EMP1: variants seen among roughly 807,000 people sequenced by gnomAD.
EMP1 encodes tumor-associated membrane protein.
A neutral mutation model predicts 15.7 loss-of-function variants in EMP1; 5 were observed. The ratio of observed to expected loss-of-function variants is 0.32; its 90% CI spans 0.17 to 0.67. The LOEUF is 0.67. Among genes scored for constraint, EMP1 ranks in the 30% least tolerant of loss-of-function variants. The pLI is 0.74. For missense variants in EMP1, 166 were observed against 194.2 expected (o/e 0.85, Z 0.86); for synonymous variants, 78 against 76.7 (o/e 1.02, Z -0.09).
chr12:13,210,839 T>G (rs1477309225), intron 1 of EMP1, among the ~76,000 whole-genome samples: 6 of 152,250 alleles, frequency 3.9e-5, no homozygotes. Flanking sequence ...ACCAGACCAT[T>G]AAACTGTAAT....
chr12:13,205,394 A>C (rs7295467), intron 1 of EMP1, among the ~76,000 whole-genome samples: 1,646 of 152,348 alleles, frequency 0.011, 36 homozygotes, highest in African/African-American at 0.036. Flanking sequence ...ATATAGAAAT[A>C]TATAACAAAG....
chr12:13,203,310 C>A (rs150585782), intron 1 of EMP1, among the ~76,000 whole-genome samples: 3 of 152,242 alleles, frequency 2.0e-5, no homozygotes, highest in Non-Finnish European at 4.4e-5. Flanking sequence ...AGGCAACTCA[C>A]GCTTCCGTCC....
At position 13,211,806 on chromosome 12, in the gene EMP1, G is replaced by C. The variant is rs1189147734; in HGVS notation, c.78+218G>C. ...AGTAATCCTGCCAGAGCTGTAGGTG[G>C]TTAAGGGCTGGAGGATCTAGTGCAG... On this transcript the variant is annotated intron_variant, in intron 2 of 4. Coordinates refer to ENST00000256951, the MANE Select transcript of EMP1 (RefSeq NM_001423.3). The surrounding 1 kb of genome is among the most constrained non-coding windows in gnomAD (Gnocchi z 4.7). 1.8e-6 allele frequency: 1 copy of C among 570,436 alleles called. No homozygotes were observed. Among genetic ancestry groups the C allele is most frequent in the Non-Finnish European group, 3.1e-6 (1 of 324,680 alleles). The allele number at this position is 570,436 out of a possible 1,614,324, so 35.3% of individuals were successfully genotyped here.
chr12:13,207,749 CA>C (rs1257004374), intron 1 of EMP1, among the ~76,000 whole-genome samples: 1 of 152,202 alleles, frequency 6.6e-6, no homozygotes, highest in Non-Finnish European at 1.5e-5. Flanking sequence ...AGAAGGAGAT[CA>C]TCCTCCACTC....
In EMP1 at chr12:13,203,863, C is replaced by A. The variant is rs532351034; in HGVS notation, c.-43+6991C>A. 1.4e-4 allele frequency among the ~76,000 whole-genome samples: 22 copies of A among 152,328 alleles called. No homozygotes were observed. In the South Asian group the frequency reaches 4.6e-3, roughly 32 times the overall value. On this transcript the variant is annotated intron_variant, in intron 1 of 4. Transcript: ENST00000256951. The stretch of plus-strand genomic sequence containing the variant: ...TCAGGGGCAGATTTATTATAAGAAT[C>A]TGGTTCTCCAATAGGTTCTCTCTCT...
chr12:13,197,839 G>A (rs1864028288), intron 1 of EMP1, among the ~76,000 whole-genome samples: 1 of 152,066 alleles, frequency 6.6e-6, no homozygotes, highest in Admixed American at 6.6e-5. Context: ...AGAAAGAGAG[G>A]GAGGCAAATG....
At chr12:13,203,092 A>AG (rs1255249114) in intron 1 of EMP1, among the ~76,000 whole-genome samples, 1 of 152,144 alleles carries the variant, frequency 6.6e-6, no homozygotes, top group Non-Finnish European at 1.5e-5. Context: ...TCTCTAGGCG[A>AG]GGGGCCTCCC....
chr12:13,206,007 G>A (rs933237309), intron 1 of EMP1, among the ~76,000 whole-genome samples: 8 of 152,160 alleles, frequency 5.3e-5, no homozygotes, highest in African/African-American at 1.9e-4. Flanking sequence ...CCAGTAGCAG[G>A]GTAGAAGATA....
At chr12:13,212,862 C>T (rs1864178487) in intron 2 of EMP1, among the ~76,000 whole-genome samples, 1 of 152,194 alleles carries the variant, frequency 6.6e-6, no homozygotes. Context: ...TGGGGGAATC[C>T]ATTCAGGTCA....
rs76846337 is a variant in EMP1, at chr12:13,207,350, T to C, written c.-42-4119T>C. Among the ~76,000 whole-genome samples the C allele has an allele frequency of 5.0e-3, 765 of 152,280 alleles. 4 individuals are homozygous for C. The highest frequency in any genetic ancestry group is 0.017 in the African/African-American group (699 of 41,550). ...ATGATCTCGAACTCCCTCAGGGTTA[T>C]TTCTACTGACTATATTAGCTATTCT... On this transcript the variant is annotated intron_variant, in intron 1 of 4. Transcript: ENST00000256951.
chr12:13,198,565 T>C (rs1383791237), intron 1 of EMP1, among the ~76,000 whole-genome samples: 1 of 152,228 alleles, frequency 6.6e-6, no homozygotes, highest in East Asian at 1.9e-4. Flanking sequence ...GCTTCACATG[T>C]TTATTATTTC....
chr12:13,202,002 G>C (rs751614640), intron 1 of EMP1, among the ~76,000 whole-genome samples: 1 of 152,074 alleles, frequency 6.6e-6, no homozygotes. Context: ...GAGGGAGGGA[G>C]GGAGGGCAAG....
rs1433860445 is a variant in EMP1 at position 13,216,031 on chromosome 12, G to A, written c.*1340G>A. The A allele has an allele frequency of 5.5e-6, 1 of 180,328 alleles. No homozygotes were observed. The highest frequency in any genetic ancestry group is 1.2e-5 in the Non-Finnish European group (1 of 85,966). 11.2% of individuals were successfully genotyped at this position (180,328 alleles called of 1,614,324 possible). On this transcript the variant is annotated 3_prime_UTR_variant, in exon 5 of 5. Coordinates refer to ENST00000256951, the MANE Select transcript of EMP1 (RefSeq NM_001423.3). Reference sequence around the variant, plus strand: ...AACTCTTGTGGTACCTAGTCAGATGGTAGACGAGCTGTCTGCTGCCGCAGG... The same window carrying A: ...AACTCTTGTGGTACCTAGTCAGATGATAGACGAGCTGTCTGCTGCCGCAGG...
At chr12:13,202,559 G>A (rs1864075368) in intron 1 of EMP1, among the ~76,000 whole-genome samples, 1 of 152,180 alleles carries the variant, frequency 6.6e-6, no homozygotes, top group Admixed American at 6.5e-5. Context: ...GAGACCTGGA[G>A]CTTCCCTTTA....
In EMP1 at chr12:13,213,754, G is replaced by A. The variant is rs1289390029; in HGVS notation, c.249G>A (p.Val83=). ...GTGTCATTGCCCTCCTGGTCTTCGT[G>A]TTCCAGCTCTTCACCATGGAGAAGG... ...IFCVIALLVF[V]FQLFTMEKGN... is the part of the protein sequence containing the mutation. The change falls in exon 4 of 5, where the codon GTG becomes GTA. Residue 83 remains valine (V), a synonymous_variant. Transcript: ENST00000256951. 1 of 1,614,166 alleles carries A rather than the reference G, an allele frequency of 6.2e-7. No homozygotes were observed. Among genetic ancestry groups the A allele is most frequent in the Non-Finnish European group, 8.5e-7 (1 of 1,180,042 alleles).
chr12:13,202,094 T>C (rs1185377074), intron 1 of EMP1, among the ~76,000 whole-genome samples: 1 of 151,744 alleles, frequency 6.6e-6, no homozygotes, highest in Non-Finnish European at 1.5e-5. Context: ...GCTAAGTGGA[T>C]AGAGAAAGAC....
chr12:13,197,803 A>T (rs1023774807), intron 1 of EMP1, among the ~76,000 whole-genome samples: 1 of 152,322 alleles, frequency 6.6e-6, no homozygotes, highest in Admixed American at 6.5e-5. Flanking sequence ...AAAGAAAAAA[A>T]ATGAAAAAAG....
intron 1 of EMP1, among the ~76,000 whole-genome samples, chr12:13,206,693 G>A (rs954773645): frequency 2.0e-5 from 3 of 152,326 alleles, no homozygotes; most frequent in Non-Finnish European, 2.9e-5. Context: ...TGACTCCTAG[G>A]TTAGCAATCA....
intron 1 of EMP1, among the ~76,000 whole-genome samples, chr12:13,199,772 CA>C (rs1432089912): frequency 6.6e-6 from 1 of 152,144 alleles, no homozygotes; most frequent in Admixed American, 6.5e-5. Context: ...TTCCTTAAAT[CA>C]AGCAAAATCA....
Sources: allele counts gnomAD v4.1 joint callset (sites outside exome capture counted in the v4.1 genomes callset), GRCh38; gene constraint gnomAD v4.1.1; non-coding constraint Gnocchi (gnomAD v3.1); transcripts MANE v1.5; gene names NCBI Gene and HGNC (gene_info 2026-07-23, HGNC 2026-07-21).